PDE4DIP: variants seen among roughly 807,000 people sequenced by gnomAD.
PDE4DIP encodes the protein myomegalin.
PDE4DIP carries 59 observed loss-of-function variants against 221.4 expected under a neutral mutation model. The ratio of observed to expected loss-of-function variants is 0.27; its 90% CI spans 0.22 to 0.33. The LOEUF (loss-of-function observed/expected upper bound fraction) is 0.33. Ranked by LOEUF, PDE4DIP falls within the 10% of genes least tolerant of loss-of-function variation. The probability of loss-of-function intolerance (pLI) is 1.00; values close to 1 mark genes in which losing one functional copy is unlikely to be tolerated. For missense variants in PDE4DIP, 1,036 were observed against 2,154.2 expected, an observed-to-expected ratio of 0.48 and a Z score of 10.28; for synonymous variants, 404 against 815.9, an observed-to-expected ratio of 0.50 and a Z score of 8.60.
chr1:149,008,985 T>G (rs1206550386), intron 29 of PDE4DIP, among the ~76,000 whole-genome samples: 1 of 152,174 alleles, frequency 6.6e-6, no homozygotes, highest in Non-Finnish European at 1.5e-5. Context: ...ATCAATGAAA[T>G]ACGGGCTCAG....
At chr1:148,821,687 C>G (rs1226978234) in intron 1 of PDE4DIP, among the ~76,000 whole-genome samples, 1 of 144,418 alleles carries the variant, frequency 6.9e-6, no homozygotes, top group Admixed American at 6.8e-5. Flanking sequence ...CCTCATAGGC[C>G]GTGGTAAGAA....
chr1:148,968,941 C>G, exon 14 of PDE4DIP: 4 of 1,612,964 alleles, frequency 2.5e-6, no homozygotes, highest in Non-Finnish European at 3.4e-6. Context: ...GCAGGACCTT[C>G]TAAGTGATCG....
intron 1 of PDE4DIP, among the ~76,000 whole-genome samples, chr1:148,846,474 A>C (rs1173973056): frequency 1.6e-5 from 1 of 61,188 alleles, no homozygotes; most frequent in Non-Finnish European, 2.9e-5. Flanking sequence ...AAAAAAAAAA[A>C]GACCAGGCGA....
intron 1 of PDE4DIP, among the ~76,000 whole-genome samples, chr1:148,824,352 C>T (rs1237914034): frequency 6.7e-6 from 1 of 150,366 alleles, no homozygotes; most frequent in East Asian, 1.9e-4. Context: ...TCCCACAGCA[C>T]AACTGATCTA....
At chr1:148,962,895 G>C (rs1317950536) in intron 9 of PDE4DIP, among the ~76,000 whole-genome samples, 1 of 151,580 alleles carries the variant, frequency 6.6e-6, no homozygotes, top group South Asian at 2.1e-4. Context: ...CCACATTCAC[G>C]TAACTTTTCT....
At chr1:148,887,246 C>T (rs1778613), upstream of PDE4DIP, among the ~76,000 whole-genome samples, 468 of 134,310 alleles carry the variant, frequency 3.5e-3, no homozygotes, top group East Asian at 0.013. Context: ...GGCAGCCTGG[C>T]TCCCCTTGAG....
At chr1:148,987,859 C>A (rs2062182854) in intron 21 of PDE4DIP, among the ~76,000 whole-genome samples, 1 of 152,022 alleles carries the variant, frequency 6.6e-6, no homozygotes, top group Non-Finnish European at 1.5e-5. Context: ...TTGAGCCCAG[C>A]AGTTCAAGAC....
In PDE4DIP at chr1:148,964,314, G is replaced by A. The variant is rs587688719; in HGVS notation, c.1195-1170G>A. 6.6e-5 allele frequency among the ~76,000 whole-genome samples: 10 copies of A among 151,840 alleles called. No homozygotes were observed. In the South Asian group the frequency reaches 2.1e-3, roughly 32 times the overall value. Reference sequence around the variant, plus strand: ...GTAGAGACAGGGTTTCTCCATGTTGGTCAGGTTGGTCTCAAACTCCCGACC... The same window carrying A: ...GTAGAGACAGGGTTTCTCCATGTTGATCAGGTTGGTCTCAAACTCCCGACC... On this transcript the variant is annotated intron_variant, in intron 9 of 43. Coordinates refer to ENST00000369354, the Ensembl canonical transcript of PDE4DIP.
chr1:148,954,888 A>G (rs1553500494), intron 5 of PDE4DIP, among the ~76,000 whole-genome samples: 1 of 152,248 alleles, frequency 6.6e-6, no homozygotes, highest in Non-Finnish European at 1.5e-5. Flanking sequence ...ATTTTTTAGA[A>G]AGCCTGCTAC....
At chr1:148,815,421 C>T (rs587764243) in intron 1 of PDE4DIP, among the ~76,000 whole-genome samples, 2 of 146,740 alleles carry the variant, frequency 1.4e-5, no homozygotes, top group East Asian at 2.0e-4. Context: ...TGGTGGCATG[C>T]GCCTGTAATC....
At chr1:149,028,507 A>C (rs1455660188) in intron 40 of PDE4DIP, 53 bp from the exon 44 acceptor site, 231 of 1,563,058 alleles carry the variant, frequency 1.5e-4, no homozygotes, top group Non-Finnish European at 1.9e-4. Flanking sequence ...GCTTGAGCCC[A>C]TGCAGGGGGA....
intron 4 of PDE4DIP, among the ~76,000 whole-genome samples, chr1:148,933,171 G>T (rs2048452846): frequency 6.6e-6 from 1 of 152,110 alleles, no homozygotes; most frequent in African/African-American, 2.4e-5. Flanking sequence ...AATCTGAGCT[G>T]AGCTTTGAAG....
At chr1:148,953,404 T>C (rs1482503881) in intron 5 of PDE4DIP, 1 of 1,614,150 alleles carries the variant, frequency 6.2e-7, no homozygotes, top group Non-Finnish European at 8.5e-7. Flanking sequence ...GCATTTGCAC[T>C]GAAGAACCAG....
chr1:148,978,949 A>G lies in PDE4DIP; in HGVS notation c.2574+534A>G, dbSNP rs2060644855. On this transcript the variant is annotated intron_variant, in intron 19 of 43. Transcript: ENST00000369354. ...TTCTTTTGGACACATACCAATAGTTATCCCTCACACTCATACCTAAGTCAC... is the reference window on the plus strand; with the variant it reads ...TTCTTTTGGACACATACCAATAGTTGTCCCTCACACTCATACCTAAGTCAC... 2.6e-5 allele frequency among the ~76,000 whole-genome samples: 4 copies of G among 151,258 alleles called. No individual in the cohort carries two copies. The South Asian group carries it at 6.3e-4, about 24-fold the overall frequency.
intron 1 of PDE4DIP, among the ~76,000 whole-genome samples, chr1:148,919,824 A>C (rs587705825): frequency 6.7e-6 from 1 of 149,836 alleles, no homozygotes; most frequent in Non-Finnish European, 1.5e-5. Context: ...TAGTTTACAG[A>C]ATTGATTAGG....
rs1778625 is a variant in PDE4DIP at position 148,825,962 on chromosome 1, C to T, written c.233+17225C>T. On this transcript the variant is annotated intron_variant, in intron 1 of 45. Transcript: ENST00000524974. ...TAAAGTTTTGATATTTTGTTCATTGCGGATTTTTTTTGCGTTACTATTTTT... is the reference window on the plus strand; with the variant it reads ...TAAAGTTTTGATATTTTGTTCATTGTGGATTTTTTTTGCGTTACTATTTTT... Among the ~76,000 whole-genome samples the T allele has an allele frequency of 3.7e-4, 34 of 92,688 alleles. 2 individuals carry two copies. The highest frequency in any genetic ancestry group is 6.3e-4 in the Non-Finnish European group (29 of 45,988). 60.8% of individuals were successfully genotyped at this position (92,688 alleles called of 152,430 possible).
intron 21 of PDE4DIP, among the ~76,000 whole-genome samples, chr1:148,987,378 T>A (rs1342511902): frequency 6.6e-6 from 1 of 152,184 alleles, no homozygotes; most frequent in African/African-American, 2.4e-5. Context: ...AGGCCTCTTT[T>A]CCTTGATTCT....
At chr1:148,863,880 T>C (rs1553404076) in intron 2 of PDE4DIP, among the ~76,000 whole-genome samples, 1 of 133,740 alleles carries the variant, frequency 7.5e-6, no homozygotes, top group East Asian at 2.0e-4. Flanking sequence ...AAGGCTAAAC[T>C]CACTTGTACA....
At chr1:148,976,416 T>A (rs1183525842) in intron 17 of PDE4DIP, among the ~76,000 whole-genome samples, 1 of 152,238 alleles carries the variant, frequency 6.6e-6, no homozygotes, top group Non-Finnish European at 1.5e-5. Flanking sequence ...TCTTAATTTC[T>A]CTCAGACTCA....
Sources: gnomAD v4.1 joint callset for allele counts (sites outside exome capture counted in the v4.1 genomes callset) on GRCh38, gnomAD v4.1.1 for gene constraint, MANE v1.5 for transcripts, NCBI Gene and HGNC (gene_info 2026-07-23, HGNC 2026-07-21) for gene names.